Variants in PDGFRL observed in about 807,000 individuals in gnomAD.
PDGFRL encodes platelet derived growth factor receptor like.
PDGFRL carries 46 observed loss-of-function variants against 37.2 expected under a neutral mutation model. The observed-to-expected ratio is 1.24, with a 90% CI of 0.98 to 1.58. The LOEUF is 1.58. Ranked by LOEUF, PDGFRL falls within the 40% of genes most tolerant of loss-of-function variation. PDGFRL has a pLI of 0.00. For synonymous variants in PDGFRL, 251 were observed against 184.3 expected (o/e 1.36, Z -2.93); for missense variants, 692 against 467.6 (o/e 1.48, Z -4.43).
chr8:17,591,973 C>T (rs1382368391), intron 2 of PDGFRL, among the ~76,000 whole-genome samples: 3 of 152,088 alleles, frequency 2.0e-5, no homozygotes, highest in Admixed American at 6.5e-5. Context: ...TCTGCATGTT[C>T]ACAACGATTT....
In PDGFRL at chr8:17,589,743, A is replaced by G. The variant is rs868500881; in HGVS notation, c.331A>G (p.Thr111Ala). 3.1e-6 allele frequency: 5 copies of G among 1,604,800 alleles called. No homozygotes were observed. The African/African-American group carries it at 6.7e-5, about 22-fold the overall frequency. Residue 111 changes from threonine (T) to alanine (A), a missense_variant, in exon 2 of 6, where the codon ACC (threonine) becomes GCC (alanine). Transcript: ENST00000251630. ...GTGGAGCTACCCTGCGTATCTGGACACCTTTAAGGATTCTCGCCTCAGGTA... is the reference window on the plus strand; with the variant it reads ...GTGGAGCTACCCTGCGTATCTGGACGCCTTTAAGGATTCTCGCCTCAGGTA... ...IGWSYPAYLD[T>A]FKDSRLSVKQ...
chr8:17,611,589 A>C (rs1481007382), intron 2 of PDGFRL, among the ~76,000 whole-genome samples: 1 of 152,136 alleles, frequency 6.6e-6, no homozygotes, highest in Non-Finnish European at 1.5e-5. Context: ...AGAGGTGAAA[A>C]TGAGCCGATG....
intron 2 of PDGFRL, among the ~76,000 whole-genome samples, chr8:17,600,344 T>C (rs1804141580): frequency 6.6e-6 from 1 of 152,184 alleles, no homozygotes; most frequent in Non-Finnish European, 1.5e-5. Flanking sequence ...TCTGGAGTCC[T>C]CTTCACCAGC....
At chr8:17,624,452 A>G (rs1409120717) in intron 3 of PDGFRL, among the ~76,000 whole-genome samples, 1 of 152,218 alleles carries the variant, frequency 6.6e-6, no homozygotes, top group Non-Finnish European at 1.5e-5. Context: ...TGTAAAGAAA[A>G]ACATTCAAAT....
At chr8:17,625,608 C>T (rs1423199610) in intron 3 of PDGFRL, among the ~76,000 whole-genome samples, 2 of 152,152 alleles carry the variant, frequency 1.3e-5, no homozygotes, top group Non-Finnish European at 2.9e-5. Flanking sequence ...ATGGAAGCTA[C>T]GGATTGCAAA....
At chr8:17,591,393 T>A (rs902195377) in intron 2 of PDGFRL, among the ~76,000 whole-genome samples, 3 of 152,164 alleles carry the variant, frequency 2.0e-5, no homozygotes, top group African/African-American at 7.2e-5. Context: ...AACCTGAGCA[T>A]GGGCTCTGCG....
intron 2 of PDGFRL, among the ~76,000 whole-genome samples, chr8:17,610,507 C>T (rs1012991188): frequency 6.6e-6 from 1 of 152,186 alleles, no homozygotes; most frequent in Non-Finnish European, 1.5e-5. Flanking sequence ...GAAGTCCAAA[C>T]CCCTCTGGTT....
chr8:17,591,896 C>G (rs1220212830), intron 2 of PDGFRL, among the ~76,000 whole-genome samples: 4 of 152,138 alleles, frequency 2.6e-5, no homozygotes, highest in Non-Finnish European at 4.4e-5. Flanking sequence ...AGCCTAGCAA[C>G]ATCGCGATAC....
At chr8:17,622,446 C>A (rs963684948) in intron 3 of PDGFRL, among the ~76,000 whole-genome samples, 4 of 152,148 alleles carry the variant, frequency 2.6e-5, no homozygotes, top group African/African-American at 9.7e-5. Flanking sequence ...AGGCCTATGA[C>A]CCAAAGGATG....
rs937329857 is a variant in PDGFRL at position 17,643,040 on chromosome 8, C to T, written c.*239C>T. On this transcript the variant is annotated 3_prime_UTR_variant, in exon 6 of 6. Coordinates refer to ENST00000251630, the MANE Select transcript of PDGFRL (RefSeq NM_001372073.1). Reference sequence around the variant, plus strand: ...TGATTGCTTACCTACATACGTGTTCCTAGTTTTTATACATGTGTAAACAAT... The same window carrying T: ...TGATTGCTTACCTACATACGTGTTCTTAGTTTTTATACATGTGTAAACAAT... The T allele has an allele frequency of 7.2e-6, 3 of 417,138 alleles. No homozygotes were observed. The highest frequency in any genetic ancestry group is 1.3e-5 in the Non-Finnish European group (3 of 238,228). The allele number at this position is 417,138 out of a possible 1,614,324, so 25.8% of individuals were successfully genotyped here.
chr8:17,604,551 C>T (rs1309270119), intron 2 of PDGFRL, among the ~76,000 whole-genome samples: 3 of 151,262 alleles, frequency 2.0e-5, no homozygotes, highest in Non-Finnish European at 2.9e-5. Context: ...TGCATGGACA[C>T]AGGAAGGGGA....
At chr8:17,577,082 TAA>T (rs5889721), upstream of PDGFRL, 14 of 520,426 alleles carry the variant, frequency 2.7e-5, no homozygotes, top group African/African-American at 2.0e-4. Flanking sequence ...CACAGAGAAC[TAA>T]AAAAAAAAAA....
chr8:17,579,158 C>T (rs928669021), intron 1 of PDGFRL, among the ~76,000 whole-genome samples: 19 of 152,144 alleles, frequency 1.2e-4, no homozygotes, highest in African/African-American at 4.3e-4. Flanking sequence ...GATCGCACCA[C>T]TGCACTCCAG....
intron 1 of PDGFRL, among the ~76,000 whole-genome samples, chr8:17,581,917 T>C (rs60153295): frequency 0.04 from 6,139 of 152,252 alleles, 146 homozygotes; most frequent in East Asian, 0.08. Context: ...GCTATAAAGA[T>C]ACCTGAAAGT....
chr8:17,638,738 CATAT>C (rs56085770), intron 5 of PDGFRL, among the ~76,000 whole-genome samples: 1,045 of 46,690 alleles, frequency 0.022, 5 homozygotes, highest in Middle Eastern at 0.052. Context: ...GCATTAGGTG[CATAT>C]ATATATATAT....
In PDGFRL at chr8:17,627,989, C is replaced by CTT. The variant is rs35707610; in HGVS notation, c.506-477_506-476dup. Among the ~76,000 whole-genome samples, 652 of 89,162 alleles carry CTT rather than the reference C, an allele frequency of 7.3e-3. 11 individuals carry two copies. Among genetic ancestry groups the CTT allele is most frequent in the African/African-American group, 0.013 (238 of 18,490 alleles). The allele number at this position is 89,162 out of a possible 152,430, so 58.5% of individuals were successfully genotyped here. A position where few individuals can be genotyped will look rare whatever the true frequency, so the allele number is the denominator to read the frequency against. ...GATACCTTTTCTGTTTTCTTTCTTT[C>CTT]TTTTTTTTTTTTTTTTTTTTTTGAG... On this transcript the variant is annotated intron_variant, in intron 3 of 5. Transcript: ENST00000251630.
chr8:17,621,560 A>G (rs539574736), intron 3 of PDGFRL, among the ~76,000 whole-genome samples: 1 of 152,174 alleles, frequency 6.6e-6, no homozygotes, highest in Admixed American at 6.5e-5. Context: ...ACCACTAAAC[A>G]TGTGTGGCTA....
At chr8:17,641,703 T>C (rs986078286) in intron 5 of PDGFRL, among the ~76,000 whole-genome samples, 2 of 152,146 alleles carry the variant, frequency 1.3e-5, no homozygotes, top group Admixed American at 1.3e-4. Context: ...CACGGAATAA[T>C]CCCTTTGTTG....
In PDGFRL at chr8:17,581,855, A is replaced by G. The variant is rs555212112; in HGVS notation, c.55+4548A>G. On this transcript the variant is annotated intron_variant, in intron 1 of 5. Coordinates refer to ENST00000251630, the MANE Select transcript of PDGFRL (RefSeq NM_001372073.1). Reference sequence around the variant, plus strand: ...AACCCAGCCCTACGTATTCCTCTATAGCAATGCGAAATGAACTAACACAGA... The same window carrying G: ...AACCCAGCCCTACGTATTCCTCTATGGCAATGCGAAATGAACTAACACAGA... Among the ~76,000 whole-genome samples, 6 of 152,236 alleles carry G rather than the reference A, an allele frequency of 3.9e-5. No homozygotes were observed. In the South Asian group the frequency reaches 6.2e-4, roughly 16 times the overall value.
Sources: allele counts gnomAD v4.1 joint callset (sites outside exome capture counted in the v4.1 genomes callset), GRCh38; gene constraint gnomAD v4.1.1; transcripts MANE v1.5; gene names NCBI Gene and HGNC (gene_info 2026-07-23, HGNC 2026-07-21).